Variants in NOTCH1 observed in about 807,000 individuals in gnomAD.
NOTCH1 encodes the protein neurogenic locus notch homolog protein 1.
A neutral mutation model predicts 254.8 loss-of-function variants in NOTCH1; 37 were observed. The observed-to-expected ratio is 0.15, with a 90% CI of 0.11 to 0.19. NOTCH1 has a LOEUF of 0.19. NOTCH1 is among the 10% of genes least tolerant of loss of function. The probability of loss-of-function intolerance (pLI) is 1.00; values close to 1 mark genes in which losing one functional copy is unlikely to be tolerated. For missense variants in NOTCH1, 2,972 were observed against 3,708.6 expected (o/e 0.80, Z 5.16); for synonymous variants, 1,731 against 1,618.1 (o/e 1.07, Z -1.68).
In NOTCH1 at chr9:136,515,726, G is replaced by C; in HGVS notation, c.1670-10C>G. The stretch of plus-strand genomic sequence containing the variant: ...TGCGTCCCCGTGTACCCTGGACCGT[G>C]GGAGGGGCGGGCACAGGAAGACTTA... On this transcript the variant is annotated splice_polypyrimidine_tract_variant and intron_variant, in intron 10 of 33. Transcript: ENST00000651671. 6.5e-7 allele frequency: 1 copy of C among 1,532,244 alleles called. No homozygotes were observed. The highest frequency in any genetic ancestry group is 8.7e-7 in the Non-Finnish European group (1 of 1,144,708). 94.9% of individuals were successfully genotyped at this position (1,532,244 alleles called of 1,614,324 possible). A position where few individuals can be genotyped will look rare whatever the true frequency, so the allele number is the denominator to read the frequency against.
At position 136,519,438 on chromosome 9, in the gene NOTCH1, C is replaced by T. The variant is rs1307085130; in HGVS notation, c.865+5G>A. The T allele has an allele frequency of 3.1e-6, 5 of 1,612,660 alleles. No homozygotes were observed. The highest frequency in any genetic ancestry group is 4.2e-6 in the Non-Finnish European group (5 of 1,179,938). ...ACCCCGCCCTGCGGCGACCCGTATA[C>T]GCGCCTGTCCACTCTGGCGGGCAGC... On this transcript the variant is annotated splice_donor_5th_base_variant and intron_variant, in intron 5 of 33. Coordinates refer to ENST00000651671, the MANE Select transcript of NOTCH1 (RefSeq NM_017617.5).
At chr9:136,500,942 G>C in intron 30 of NOTCH1, 95 bp from the exon 31 acceptor site, 3 of 1,376,930 alleles carry the variant, frequency 2.2e-6, no homozygotes, top group Non-Finnish European at 2.9e-6. Flanking sequence ...AAGGGGCCAC[G>C]GTGTGGATGC....
Position 136,518,204 on chromosome 9 carries a change from G to A in NOTCH1, c.1188C>T (p.Ala396=). 1 of 1,607,398 alleles carries A rather than the reference G, an allele frequency of 6.2e-7. No individual in the cohort carries two copies. The highest frequency in any genetic ancestry group is 8.5e-7 in the Non-Finnish European group (1 of 1,177,654). ...TGTACCCCGAGGGGCAGGTGCAGAT[G>A]GCCTTGCCATTGACAGGGTTGGTGT... ...NCDTNPVNGK[A]ICTCPSGYTG... Residue 396 remains alanine, a synonymous_variant, in exon 7 of 34, where the codon GCC becomes GCT. Transcript: ENST00000651671.
intron 3 of NOTCH1, 47 bp downstream of exon 3, chr9:136,523,670 G>T (rs749723949): frequency 6.4e-7 from 1 of 1,562,852 alleles, no homozygotes; most frequent in Non-Finnish European, 8.7e-7. Context: ...GGCAGCTGGC[G>T]GCGGGCCTGG....
At position 136,508,092 on chromosome 9, in the gene NOTCH1, C is replaced by T. The variant is rs767963898; in HGVS notation, c.3373G>A (p.Ala1125Thr). 22 of 1,609,356 alleles carry T rather than the reference C, an allele frequency of 1.4e-5. No homozygotes were observed. Among genetic ancestry groups the T allele is most frequent in the African/African-American group, 6.7e-5 (5 of 74,918 alleles). The change falls in exon 21 of 34, where the codon GCG (alanine) becomes ACG (threonine). Residue 1125 changes from alanine (A) to threonine (T), a missense_variant. This residue lies in a region of NOTCH1 where 1,343 missense variants were observed against 1,557.0 expected (regional missense o/e 0.86). Transcript: ENST00000651671. ...LCQHGGLCVD[A>T]GNTHHCRCQA... ...CAGCGGCAGTGGTGCGTGTTGCCCG[C>T]GTCCACACAGAGCCCTCCATGCTGG...
At position 136,496,217 on chromosome 9, in the gene NOTCH1, G is replaced by A; in HGVS notation, c.7522C>T (p.Pro2508Ser). 6.2e-7 allele frequency: 1 copy of A among 1,608,666 alleles called. No homozygotes were observed. Among genetic ancestry groups the A allele is most frequent in the Non-Finnish European group, 8.5e-7 (1 of 1,177,906 alleles). ...GACTCAGGGGACGGGGTGAGGAAGG[G>A]GTGCTCAGGCACCTGTAGCTGGTGG... is the stretch of plus-strand genomic sequence containing the variant. Reference protein sequence around the residue: ...PSHQLQVPEHPFLTPSPESPD... With the variant: ...PSHQLQVPEHSFLTPSPESPD... The change falls in exon 34 of 34, where the codon CCC becomes TCC. Residue 2508 changes from proline to serine, a missense_variant. Coordinates refer to ENST00000651671, the MANE Select transcript of NOTCH1 (RefSeq NM_017617.5).
chr9:136,540,167 C>T lies in NOTCH1; in HGVS notation c.140+3857G>A, dbSNP rs997999348. Reference sequence around the variant, plus strand: ...ATGCCAGGCCACCACCGGGCCGGCACACCCCCAACATGTCCCACATGTGAG... The same window carrying T: ...ATGCCAGGCCACCACCGGGCCGGCATACCCCCAACATGTCCCACATGTGAG... On this transcript the variant is annotated intron_variant, in intron 2 of 33. Coordinates refer to ENST00000651671, the MANE Select transcript of NOTCH1 (RefSeq NM_017617.5). The surrounding 1 kb of genome is among the most constrained non-coding windows in gnomAD (Gnocchi z 4.4). Among the ~76,000 whole-genome samples, 1 of 152,236 alleles carries T rather than the reference C, an allele frequency of 6.6e-6. No homozygotes were observed. The highest frequency in any genetic ancestry group is 1.5e-5 in the Non-Finnish European group (1 of 68,038).
intron 2 of NOTCH1, among the ~76,000 whole-genome samples, chr9:136,534,691 C>A (rs1843614676): frequency 6.6e-6 from 1 of 152,054 alleles, no homozygotes; most frequent in South Asian, 2.1e-4. Context: ...TCCGGAGACG[C>A]CCTTGGTAGT....
At position 136,544,107 on chromosome 9, in the gene NOTCH1, G is replaced by T; in HGVS notation, c.62-5C>A. The stretch of plus-strand genomic sequence containing the variant: ...CGGGCTGGGAGCATCGCGGGCCTAG[G>T]CAGGGGCAGGAGAAGAGAGGTCAGT... On this transcript the variant is annotated splice_region_variant and splice_polypyrimidine_tract_variant and intron_variant, in intron 1 of 33. Coordinates refer to ENST00000651671, the MANE Select transcript of NOTCH1 (RefSeq NM_017617.5). 6.4e-7 allele frequency: 1 copy of T among 1,567,686 alleles called. No homozygotes were observed. Among genetic ancestry groups the T allele is most frequent in the Middle Eastern group, 2.3e-4 (1 of 4,438 alleles).
intron 2 of NOTCH1, among the ~76,000 whole-genome samples, chr9:136,529,476 G>A (rs146983666): frequency 0.011 from 1,631 of 152,314 alleles, 70 homozygotes; most frequent in Admixed American, 0.02. Flanking sequence ...CAGGGGGCTC[G>A]GGGTCCCACC....
rs1589065468 is a variant in NOTCH1, at chr9:136,514,567, A to G, written c.2150T>C (p.Val717Ala). The change falls in exon 13 of 34, where the codon GTC becomes GCC. Residue 717 changes from valine (V) to alanine (A), a missense_variant. Physicochemically the swap from Val to Ala is moderately conservative, Grantham distance 64. Around this residue, in one of 8 missense-constraint regions of NOTCH1, gnomAD observed 1,343 missense variants for 1,557.0 expected, o/e 0.86. Transcript: ENST00000651671. ...GCAGGGGTTGCTGTTGCACTCATTGACCTCAGACAGGCAGGTGGGGTCGTG... is the reference window on the plus strand; with the variant it reads ...GCAGGGGTTGCTGTTGCACTCATTGGCCTCAGACAGGCAGGTGGGGTCGTG... ...GYHDPTCLSEVNECNSNPCVH... is the reference protein window; with the variant it reads ...GYHDPTCLSEANECNSNPCVH... 1.2e-6 allele frequency: 2 copies of G among 1,607,720 alleles called. No individual in the cohort carries two copies. Among genetic ancestry groups the G allele is most frequent in the Non-Finnish European group, 1.7e-6 (2 of 1,178,002 alleles).
intron 8 of NOTCH1, 139 bp downstream of exon 8, chr9:136,517,613 C>A: frequency 8.7e-7 from 1 of 1,145,466 alleles, no homozygotes; most frequent in Non-Finnish European, 1.3e-6. Flanking sequence ...CTCAGTTTCC[C>A]CATGCCCTGT....
In NOTCH1 at chr9:136,500,536, G is replaced by A. The variant is rs754519211; in HGVS notation, c.5934+16C>T. On this transcript the variant is annotated intron_variant, in intron 31 of 33. Transcript: ENST00000651671. Reference sequence around the variant, plus strand: ...CCTGAGGAGGGCAGGTGGGCACACAGGCAGCCACTGCCTACCTGGAAGACA... The same window carrying A: ...CCTGAGGAGGGCAGGTGGGCACACAAGCAGCCACTGCCTACCTGGAAGACA... 6.2e-7 allele frequency: 1 copy of A among 1,608,850 alleles called. No homozygotes were observed. Among genetic ancestry groups the A allele is most frequent in the Non-Finnish European group, 8.5e-7 (1 of 1,179,856 alleles).
chr9:136,501,781 C>T lies in NOTCH1; in HGVS notation c.5605G>A (p.Ala1869Thr), dbSNP rs200603539. ...CGGACATTGACGTCCATGCAGTCGG[C>T]GTCAACCTCACCCTGGGGCGGTGTG... is the stretch of plus-strand genomic sequence containing the variant. ...APTPPQGEVD[A>T]DCMDVNVRGP... The change falls in exon 30 of 34, where the codon GCC becomes ACC. Residue 1869 changes from alanine to threonine, a missense_variant. Ala to Thr is a moderately conservative substitution (Grantham distance 58). Coordinates refer to ENST00000651671, the MANE Select transcript of NOTCH1 (RefSeq NM_017617.5). The T allele has an allele frequency of 8.1e-6, 13 of 1,612,548 alleles. No homozygotes were observed. Among genetic ancestry groups the T allele is most frequent in the Middle Eastern group, 1.7e-4 (1 of 5,952 alleles).
At chr9:136,539,632 T>G (rs1177213598) in intron 2 of NOTCH1, among the ~76,000 whole-genome samples, 1 of 152,210 alleles carries the variant, frequency 6.6e-6, no homozygotes, top group African/African-American at 2.4e-5. Flanking sequence ...TCAGGTGATC[T>G]GCCCACCTCG....
chr9:136,519,436 T>C lies in NOTCH1; in HGVS notation c.865+7A>G. The C allele has an allele frequency of 6.2e-7, 1 of 1,612,792 alleles. No homozygotes were observed. The highest frequency in any genetic ancestry group is 8.5e-7 in the Non-Finnish European group (1 of 1,179,922). ...CTACCCCGCCCTGCGGCGACCCGTA[T>C]ACGCGCCTGTCCACTCTGGCGGGCA... is the stretch of plus-strand genomic sequence containing the variant. On this transcript the variant is annotated splice_region_variant and intron_variant, in intron 5 of 33. Transcript: ENST00000651671.
rs1422578873 is a variant in NOTCH1 at position 136,502,503 on chromosome 9, G to A, written c.5168-15C>T. 7 of 1,490,286 alleles carry A rather than the reference G, an allele frequency of 4.7e-6. No individual in the cohort carries two copies. The highest frequency in any genetic ancestry group is 4.2e-5 in the African/African-American group (3 of 71,052). 92.3% of individuals were successfully genotyped at this position (1,490,286 alleles called of 1,614,324 possible). A position where few individuals can be genotyped will look rare whatever the true frequency, so the allele number is the denominator to read the frequency against. ...CACGGTCTCACCTGCGGGCACGGGGGCCAGGGGCAGGTGCCCGGACATCAG... is the reference window on the plus strand; with the variant it reads ...CACGGTCTCACCTGCGGGCACGGGGACCAGGGGCAGGTGCCCGGACATCAG... On this transcript the variant is annotated splice_polypyrimidine_tract_variant and intron_variant, in intron 27 of 33. Transcript: ENST00000651671.
chr9:136,530,876 G>A (rs1412444920), intron 2 of NOTCH1, among the ~76,000 whole-genome samples: 1 of 152,158 alleles, frequency 6.6e-6, no homozygotes, highest in Non-Finnish European at 1.5e-5. Flanking sequence ...GCTGCTGGAG[G>A]GCTCAAACCA....
rs36119806 is a variant in NOTCH1, at chr9:136,510,641, G to C, written c.2740+12C>G. 6.2e-7 allele frequency: 1 copy of C among 1,600,984 alleles called. No homozygotes were observed. Among genetic ancestry groups the C allele is most frequent in the Non-Finnish European group, 8.5e-7 (1 of 1,177,500 alleles). The stretch of plus-strand genomic sequence containing the variant: ...GCTTCCTGGAGGAGGCCAGAGCCGC[G>C]GGGCTACTCACTGGGCCGGCAGTCG... On this transcript the variant is annotated intron_variant, in intron 17 of 33. Transcript: ENST00000651671.
Sources: allele counts gnomAD v4.1 joint callset (sites outside exome capture counted in the v4.1 genomes callset), GRCh38; gene constraint gnomAD v4.1.1; regional missense constraint gnomAD v4.1.1; non-coding constraint Gnocchi (gnomAD v3.1); transcripts MANE v1.5; gene names NCBI Gene and HGNC (gene_info 2026-07-23, HGNC 2026-07-21).